EXOC6B: variants seen among roughly 807,000 people sequenced by gnomAD.
The protein encoded by EXOC6B is exocyst complex component 6B, also known as SEC15 homolog B.
A neutral mutation model predicts 113.5 loss-of-function variants in EXOC6B; 54 were observed. The observed-to-expected ratio is 0.48, with a 90% CI of 0.38 to 0.60. The LOEUF is 0.60. EXOC6B is among the 20% of genes least tolerant of loss of function. EXOC6B has a pLI of 0.00. For synonymous variants in EXOC6B, 357 were observed against 339.0 expected, an observed-to-expected ratio of 1.05 and a Z score of -0.58; for missense variants, 797 against 977.5, an observed-to-expected ratio of 0.82 and a Z score of 2.46.
chr2:72,640,465 C>T (rs1673147788), intron 6 of EXOC6B, among the ~76,000 whole-genome samples: 1 of 152,168 alleles, frequency 6.6e-6, no homozygotes, highest in Non-Finnish European at 1.5e-5. Context: ...ATGAGAACGT[C>T]CCCAACCTAG....
chr2:72,359,697 T>C (rs1364620506), intron 19 of EXOC6B, among the ~76,000 whole-genome samples: 1 of 152,186 alleles, frequency 6.6e-6, no homozygotes. Flanking sequence ...GGATTGAGAC[T>C]TCCCTCCTGA....
At chr2:72,612,472 A>G (rs1671134600) in intron 6 of EXOC6B, among the ~76,000 whole-genome samples, 2 of 152,092 alleles carry the variant, frequency 1.3e-5, no homozygotes, top group Non-Finnish European at 2.9e-5. Flanking sequence ...CAATCTTGCT[A>G]GAAGTGGCAG....
chr2:72,389,630 C>A (rs1418335310), intron 18 of EXOC6B, among the ~76,000 whole-genome samples: 1 of 151,824 alleles, frequency 6.6e-6, no homozygotes, highest in African/African-American at 2.4e-5. Flanking sequence ...ATTATTATAC[C>A]TTAATTTTTT....
At chr2:72,266,984 T>C (rs1293585913) in intron 20 of EXOC6B, among the ~76,000 whole-genome samples, 1 of 152,322 alleles carries the variant, frequency 6.6e-6, no homozygotes, top group African/African-American at 2.4e-5. Flanking sequence ...CCCTTTTAAG[T>C]TGGATTCCTA....
chr2:72,699,691 A>C (rs1678166177), intron 6 of EXOC6B, among the ~76,000 whole-genome samples: 1 of 152,164 alleles, frequency 6.6e-6, no homozygotes, highest in Non-Finnish European at 1.5e-5. Context: ...TTAATAACAG[A>C]CTTTAGCCTG....
chr2:72,657,483 C>T (rs1212763176), intron 6 of EXOC6B, among the ~76,000 whole-genome samples: 2 of 149,418 alleles, frequency 1.3e-5, no homozygotes, highest in East Asian at 2.0e-4. Flanking sequence ...CCGTCTGCCT[C>T]GGTCTCCCAA....
At chr2:72,232,061 G>A (rs1424116458) in intron 20 of EXOC6B, among the ~76,000 whole-genome samples, 4 of 152,038 alleles carry the variant, frequency 2.6e-5, no homozygotes, top group Admixed American at 6.6e-5. Context: ...TGCAACCTCC[G>A]CCTACAGGTT....
Position 72,632,179 on chromosome 2 carries a change from A to C in EXOC6B, c.670-56511T>G, listed in dbSNP as rs546283276. ...CATGGGAAATGAATACACAATTCACAAAGGAGGAATAGACCTAGTGGATAA... is the reference window on the plus strand; with the variant it reads ...CATGGGAAATGAATACACAATTCACCAAGGAGGAATAGACCTAGTGGATAA... On this transcript the variant is annotated intron_variant, in intron 6 of 21. Coordinates refer to ENST00000272427, the MANE Select transcript of EXOC6B (RefSeq NM_015189.3). Among the ~76,000 whole-genome samples the C allele has an allele frequency of 2.0e-5, 3 of 152,316 alleles. No homozygotes were observed. In the East Asian group the frequency reaches 5.8e-4, roughly 29 times the overall value.
intron 6 of EXOC6B, among the ~76,000 whole-genome samples, chr2:72,652,798 G>T (rs2104409814): frequency 6.8e-6 from 1 of 147,188 alleles, no homozygotes; most frequent in Non-Finnish European, 1.5e-5. Context: ...AATTATATAA[G>T]ATAATATATA....
At chr2:72,685,418 A>G (rs1445747985) in intron 6 of EXOC6B, among the ~76,000 whole-genome samples, 1 of 152,132 alleles carries the variant, frequency 6.6e-6, no homozygotes, top group Non-Finnish European at 1.5e-5. Context: ...GTAAATTAGC[A>G]AGTTTGTCCA....
intron 20 of EXOC6B, among the ~76,000 whole-genome samples, chr2:72,320,070 C>T (rs1032846948): frequency 2.6e-5 from 4 of 151,702 alleles, no homozygotes; most frequent in Non-Finnish European, 4.4e-5. Flanking sequence ...CTCCTGACCT[C>T]GTGATCCATC....
intron 1 of EXOC6B, among the ~76,000 whole-genome samples, chr2:72,773,766 C>T (rs1683540527): frequency 6.6e-6 from 1 of 152,184 alleles, no homozygotes; most frequent in Non-Finnish European, 1.5e-5. Flanking sequence ...CAGAAGACAT[C>T]TGGATTCTGT....
chr2:72,775,295 C>T lies in EXOC6B; in HGVS notation c.114-33826G>A, dbSNP rs150819787. ...AATCAAGGCTTGGTCTTTCTGGCAACTAGCCCCTCCCTCTCCTAAAGCTAT... is the reference window on the plus strand; with the variant it reads ...AATCAAGGCTTGGTCTTTCTGGCAATTAGCCCCTCCCTCTCCTAAAGCTAT... On this transcript the variant is annotated intron_variant, in intron 1 of 21. Transcript: ENST00000272427. 1.5e-3 allele frequency among the ~76,000 whole-genome samples: 234 copies of T among 152,300 alleles called. 1 individual carries two copies. The highest frequency in any genetic ancestry group is 5.3e-3 in the African/African-American group (221 of 41,572).
At chr2:72,716,433 G>A (rs1038288204) in intron 6 of EXOC6B, among the ~76,000 whole-genome samples, 7 of 151,656 alleles carry the variant, frequency 4.6e-5, no homozygotes, top group Admixed American at 3.9e-4. Flanking sequence ...TTACACTCTC[G>A]GTACTACAAA....
At chr2:72,611,162 A>C (rs562714267) in intron 6 of EXOC6B, among the ~76,000 whole-genome samples, 1 of 152,232 alleles carries the variant, frequency 6.6e-6, no homozygotes, top group Non-Finnish European at 1.5e-5. Context: ...CAGGAGTTCA[A>C]GACCAGCCTG....
Position 72,508,593 on chromosome 2 carries a change from G to A in EXOC6B, c.1167+4539C>T, listed in dbSNP as rs375300531. 5.3e-5 allele frequency among the ~76,000 whole-genome samples: 8 copies of A among 151,972 alleles called. No individual in the cohort carries two copies. The South Asian group carries it at 6.2e-4, about 12-fold the overall frequency. ...TCAAGACCAGCCTGGCCAACATGGC[G>A]AAATCCCATCTCTACTAAAAATACA... On this transcript the variant is annotated intron_variant, in intron 11 of 21. Coordinates refer to ENST00000272427, the MANE Select transcript of EXOC6B (RefSeq NM_015189.3).
intron 20 of EXOC6B, among the ~76,000 whole-genome samples, chr2:72,276,418 C>T (rs1423501761): frequency 2.0e-5 from 3 of 152,106 alleles, no homozygotes; most frequent in Non-Finnish European, 4.4e-5. Context: ...GGCTCTTTCT[C>T]TTATCATTTA....
chr2:72,211,549 G>C (rs575105162), intron 20 of EXOC6B, among the ~76,000 whole-genome samples: 1 of 152,242 alleles, frequency 6.6e-6, no homozygotes, highest in African/African-American at 2.4e-5. Context: ...CAAAAACTTT[G>C]TCCTTGCTTA....
At chr2:72,522,598 T>G (rs1381201076) in intron 8 of EXOC6B, among the ~76,000 whole-genome samples, 1 of 152,172 alleles carries the variant, frequency 6.6e-6, no homozygotes, top group African/African-American at 2.4e-5. Flanking sequence ...GTACTCCCTA[T>G]TCGATATATT....
Sources: allele counts gnomAD v4.1 joint callset (sites outside exome capture counted in the v4.1 genomes callset), GRCh38; gene constraint gnomAD v4.1.1; transcripts MANE v1.5; gene names NCBI Gene and HGNC (gene_info 2026-07-23, HGNC 2026-07-21).